The following PPIP5K2 variants were observed in gnomAD, a reference collection of about 807,000 sequenced individuals.
The protein encoded by PPIP5K2 is diphosphoinositol pentakisphosphate kinase 2, also known as inositol hexakisphosphate and diphosphoinositol-pentakisphosphate kinase 2.
In PPIP5K2, 105 loss-of-function variants were observed where a neutral mutation model predicts 154.6. The ratio of observed to expected loss-of-function variants is 0.68; its 90% CI spans 0.58 to 0.80. PPIP5K2 has a LOEUF of 0.80. PPIP5K2 is among the 30% of genes least tolerant of loss of function. The probability of loss-of-function intolerance (pLI) is 0.00; values close to 1 mark genes in which losing one functional copy is unlikely to be tolerated. For missense variants in PPIP5K2, 992 were observed against 1,504.6 expected (o/e 0.66, Z 5.64); for synonymous variants, 480 against 490.3 (o/e 0.98, Z 0.28).
rs73199713 is a variant in PPIP5K2 at position 103,152,485 on chromosome 5, C to T, written c.1029-163C>T. On this transcript the variant is annotated intron_variant, in intron 9 of 30. Transcript: ENST00000358359. ...TGTCTAATACATCAATTTGGAACTG[C>T]TGATTTTTATTTTTTCTTGATCAGA... Among the ~76,000 whole-genome samples the T allele has an allele frequency of 0.016, 2,474 of 151,886 alleles. 59 individuals carry two copies. Among genetic ancestry groups the T allele is most frequent in the African/African-American group, 0.057 (2,369 of 41,488 alleles).
At chr5:103,123,534 G>A (rs535216592) in intron 1 of PPIP5K2, among the ~76,000 whole-genome samples, 2 of 152,288 alleles carry the variant, frequency 1.3e-5, no homozygotes, top group Admixed American at 6.5e-5. Context: ...ATTTTTAGTA[G>A]CATAACACTC....
intron 4 of PPIP5K2, among the ~76,000 whole-genome samples, chr5:103,138,060 T>A (rs1346865674): frequency 1.3e-5 from 2 of 152,186 alleles, no homozygotes; most frequent in Non-Finnish European, 2.9e-5. Flanking sequence ...TTTTAATGCT[T>A]AGGTAATGTT....
At chr5:103,154,647 C>A in intron 11 of PPIP5K2, 23 bp from the exon 12 acceptor site, 1 of 1,351,746 alleles carries the variant, frequency 7.4e-7, no homozygotes, top group Non-Finnish European at 1.0e-6. Context: ...AAGTGACTAA[C>A]AGTGTTCTGT....
chr5:103,121,982 T>C (rs533162208), intron 1 of PPIP5K2, among the ~76,000 whole-genome samples: 113 of 152,284 alleles, frequency 7.4e-4, no homozygotes, highest in African/African-American at 2.6e-3. Context: ...AAAGGAATTG[T>C]GGTTATGTAG....
intron 17 of PPIP5K2, among the ~76,000 whole-genome samples, chr5:103,164,050 G>T (rs781809865): frequency 2.6e-5 from 4 of 151,916 alleles, no homozygotes; most frequent in Non-Finnish European, 5.9e-5. Context: ...CTAGTAAATA[G>T]TATGGTAAAT....
chr5:103,154,962 C>T lies in PPIP5K2; in HGVS notation c.1403+19C>T, dbSNP rs376567134. ...TAGAGATGTGAGTATCTTTTTGAAA[C>T]GCTTAATTGTGGTACTACATATAGC... On this transcript the variant is annotated intron_variant, in intron 13 of 30. Coordinates refer to ENST00000358359, the MANE Select transcript of PPIP5K2 (RefSeq NM_001276277.3). 147 of 1,466,140 alleles carry T rather than the reference C, an allele frequency of 1.0e-4. 1 individual carries two copies. The highest frequency in any genetic ancestry group is 9.9e-4 in the East Asian group (43 of 43,512). The allele number at this position is 1,466,140 out of a possible 1,614,324, so 90.8% of individuals were successfully genotyped here.
Position 103,183,385 on chromosome 5 carries a change from G to A in PPIP5K2, c.3074G>A (p.Ser1025Asn). The change falls in exon 25 of 31, where the codon AGT becomes AAT. Residue 1025 changes from serine to asparagine, a missense_variant. Ser to Asn is a conservative substitution (Grantham distance 46, BLOSUM62 1). Coordinates refer to ENST00000358359, the MANE Select transcript of PPIP5K2 (RefSeq NM_001276277.3). ...CCCAAATCATTGGCTTTCACATCCA[G>A]TATTTTTGGCTCATGGCAACAGGTT... ...VSPKSLAFTS[S>N]IFGSWQQVVS... The A allele has an allele frequency of 6.2e-7, 1 of 1,609,436 alleles. No homozygotes were observed. The highest frequency in any genetic ancestry group is 8.5e-7 in the Non-Finnish European group (1 of 1,178,600).
chr5:103,178,202 G>A (rs952132374), intron 23 of PPIP5K2, among the ~76,000 whole-genome samples: 2 of 151,810 alleles, frequency 1.3e-5, no homozygotes, highest in African/African-American at 4.8e-5. Context: ...GAATTTTAAG[G>A]CCGTGTTTAG....
At chr5:103,168,540 A>G (rs928713841) in intron 19 of PPIP5K2, among the ~76,000 whole-genome samples, 12 of 151,788 alleles carry the variant, frequency 7.9e-5, no homozygotes, top group South Asian at 2.1e-4. Flanking sequence ...GAGCAGTTTT[A>G]TGTTCACAGC....
intron 2 of PPIP5K2, among the ~76,000 whole-genome samples, chr5:103,132,386 G>GA (rs532193202): frequency 7.0e-4 from 105 of 149,562 alleles, no homozygotes; most frequent in South Asian, 1.7e-3. Flanking sequence ...CTAAAAATAC[G>GA]AAAAAAAAAA....
At chr5:103,165,707 G>C (rs1196541723) in intron 17 of PPIP5K2, among the ~76,000 whole-genome samples, 1 of 152,070 alleles carries the variant, frequency 6.6e-6, no homozygotes, top group Admixed American at 6.6e-5. Flanking sequence ...GTATACAAAT[G>C]GATAACTCGT....
intron 7 of PPIP5K2, chr5:103,148,259 A>T: frequency 1.9e-6 from 1 of 534,094 alleles, no homozygotes; most frequent in Non-Finnish European, 3.4e-6. Context: ...ATTATGATGG[A>T]GACAAATTTT....
At chr5:103,199,656 A>G (rs1407070139) in intron 30 of PPIP5K2, among the ~76,000 whole-genome samples, 2 of 151,616 alleles carry the variant, frequency 1.3e-5, no homozygotes, top group African/African-American at 4.8e-5. Context: ...TCCAAAAAAG[A>G]TGTTCATTGG....
chr5:103,198,464 A>C (rs889862551), intron 30 of PPIP5K2, among the ~76,000 whole-genome samples: 7 of 152,162 alleles, frequency 4.6e-5, no homozygotes, highest in South Asian at 4.1e-4. Flanking sequence ...AGGGGTGTTC[A>C]AGGAAGGGAT....
intron 19 of PPIP5K2, among the ~76,000 whole-genome samples, chr5:103,170,694 A>C (rs553139772): frequency 6.6e-6 from 1 of 151,464 alleles, no homozygotes; most frequent in South Asian, 2.1e-4. Flanking sequence ...AGTTCAATAA[A>C]TATTATCTTG....
chr5:103,183,429 A>T (rs1799885195), intron 25 of PPIP5K2, 22 bp downstream of exon 25: 2 of 1,589,660 alleles, frequency 1.3e-6, no homozygotes, highest in Non-Finnish European at 1.7e-6. Flanking sequence ...TTACTTCATT[A>T]AACATTTTTC....
intron 14 of PPIP5K2, 52 bp downstream of exon 14, chr5:103,156,046 T>C: frequency 8.2e-7 from 1 of 1,225,160 alleles, no homozygotes; most frequent in Non-Finnish European, 1.2e-6. Context: ...TAACTTGTTA[T>C]TCACTGTTGA....
intron 19 of PPIP5K2, among the ~76,000 whole-genome samples, chr5:103,169,130 A>G (rs1164159838): frequency 1.3e-5 from 2 of 151,898 alleles, no homozygotes; most frequent in East Asian, 1.9e-4. Flanking sequence ...CAAGAATTCA[A>G]TTAACTAAAA....
chr5:103,149,990 C>A (rs546181336), intron 8 of PPIP5K2, among the ~76,000 whole-genome samples: 1 of 151,994 alleles, frequency 6.6e-6, no homozygotes, highest in Non-Finnish European at 1.5e-5. Context: ...CCACTGCACC[C>A]GGCCAAAACC....
Sources: gnomAD v4.1 joint callset for allele counts (sites outside exome capture counted in the v4.1 genomes callset) on GRCh38, gnomAD v4.1.1 for gene constraint, MANE v1.5 for transcripts, NCBI Gene and HGNC (gene_info 2026-07-23, HGNC 2026-07-21) for gene names.